The following ST8SIA2 variants were observed in gnomAD, a reference collection of about 807,000 sequenced individuals.
ST8SIA2 encodes alpha-2,8-sialyltransferase 8B.
In ST8SIA2, 22 loss-of-function variants were observed where a neutral mutation model predicts 37.6. The observed-to-expected ratio is 0.58, with a 90% CI of 0.42 to 0.83. The LOEUF is 0.83. Ranked by LOEUF, ST8SIA2 falls within the 40% of genes least tolerant of loss-of-function variation. The probability of loss-of-function intolerance (pLI) is 0.00; values close to 1 mark genes in which losing one functional copy is unlikely to be tolerated. For synonymous variants in ST8SIA2, 205 were observed against 201.2 expected, an observed-to-expected ratio of 1.02 and a Z score of -0.16; for missense variants, 382 against 484.7, an observed-to-expected ratio of 0.79 and a Z score of 1.99.
chr15:92,425,652 G>A (rs2049669946), intron 1 of ST8SIA2, among the ~76,000 whole-genome samples: 1 of 152,190 alleles, frequency 6.6e-6, no homozygotes, highest in Non-Finnish European at 1.5e-5. Context: ...GGGGGAAACT[G>A]GTAAGAGCCT....
chr15:92,448,822 A>C (rs1168288005), intron 5 of ST8SIA2, among the ~76,000 whole-genome samples: 1 of 152,168 alleles, frequency 6.6e-6, no homozygotes, highest in Non-Finnish European at 1.5e-5. Context: ...AAGTTAAACC[A>C]GTCACTCATG....
At position 92,416,019 on chromosome 15, in the gene ST8SIA2, G is replaced by A. The variant is rs80253690; in HGVS notation, c.99-14030G>A. ...TTCTGAAAGCTGCAGGGGTCGGTAA[G>A]AGAGACTGAAGAGTTTAAAGGAGAG... On this transcript the variant is annotated intron_variant, in intron 1 of 5. Transcript: ENST00000268164. Among the ~76,000 whole-genome samples, 634 of 152,252 alleles carry A rather than the reference G, an allele frequency of 4.2e-3. 5 individuals carry two copies. The highest frequency in any genetic ancestry group is 0.015 in the African/African-American group (604 of 41,536).
intron 1 of ST8SIA2, among the ~76,000 whole-genome samples, chr15:92,427,373 TA>T (rs1046214421): frequency 4.0e-5 from 6 of 151,668 alleles, no homozygotes; most frequent in Admixed American, 2.0e-4. Context: ...TGAAATATAA[TA>T]TTACTCAAAA....
rs982845830 is a variant in ST8SIA2, at chr15:92,438,212, G to C, written c.291-141G>C. The C allele has an allele frequency of 2.4e-6, 3 of 1,259,936 alleles. No homozygotes were observed. In the African/African-American group the frequency reaches 4.4e-5, roughly 19 times the overall value. The allele number at this position is 1,259,936 out of a possible 1,614,324, so 78.0% of individuals were successfully genotyped here. A position where few individuals can be genotyped will look rare whatever the true frequency, so the allele number is the denominator to read the frequency against. On this transcript the variant is annotated intron_variant, in intron 3 of 5. Coordinates refer to ENST00000268164, the MANE Select transcript of ST8SIA2 (RefSeq NM_006011.4). ...ATCCCTGGCTGGAACCTGTTCTCGA[G>C]GGCATCTGAACTCTCATCATACTCT...
At chr15:92,429,411 C>A (rs1422861659) in intron 1 of ST8SIA2, among the ~76,000 whole-genome samples, 1 of 151,998 alleles carries the variant, frequency 6.6e-6, no homozygotes, top group East Asian at 1.9e-4. Context: ...CCTTAGAGTG[C>A]TTTTACTTCA....
chr15:92,411,501 G>A (rs930969258), intron 1 of ST8SIA2, among the ~76,000 whole-genome samples: 2 of 152,212 alleles, frequency 1.3e-5, no homozygotes, highest in Non-Finnish European at 2.9e-5. Flanking sequence ...GGACATCAGA[G>A]GGGAAGCTGT....
chr15:92,454,581 G>T (rs1409420718), intron 5 of ST8SIA2, among the ~76,000 whole-genome samples: 1 of 151,834 alleles, frequency 6.6e-6, no homozygotes, highest in East Asian at 1.9e-4. Context: ...CAAAATTTCT[G>T]CCCATCTGAG....
chr15:92,422,700 A>AGTAC (rs1428193732), intron 1 of ST8SIA2: 1 of 152,682 alleles, frequency 6.5e-6, no homozygotes, highest in African/African-American at 2.4e-5. Context: ...CACTTGGCCA[A>AGTAC]GTACAGCCAC....
In ST8SIA2 at chr15:92,466,130, AG is replaced by A. The variant is rs570203711; in HGVS notation, c.*1746del. 5.3e-5 allele frequency: 8 copies of A among 152,286 alleles called. No individual in the cohort carries two copies. The East Asian group carries it at 1.5e-3, about 29-fold the overall frequency. The allele number at this position is 152,286 out of a possible 1,614,324, so 9.4% of individuals were successfully genotyped here. A position where few individuals can be genotyped will look rare whatever the true frequency, so the allele number is the denominator to read the frequency against. ...GCGGCAGAACCATTAACCCTACACA[AG>A]AACACTCCAGCCCAAAACCGTGAGG... On this transcript the variant is annotated 3_prime_UTR_variant, in exon 6 of 6. Transcript: ENST00000268164.
Position 92,433,656 on chromosome 15 carries a change from T to C in ST8SIA2, c.162-591T>C, listed in dbSNP as rs564416124. 6.6e-5 allele frequency among the ~76,000 whole-genome samples: 10 copies of C among 152,334 alleles called. 1 individual carries two copies. In the South Asian group the frequency reaches 1.0e-3, roughly 16 times the overall value. On this transcript the variant is annotated intron_variant, in intron 2 of 5. Transcript: ENST00000268164. ...CCCGCTATGTTAGACCATTAGGGAA[T>C]ATAAAATGAATGTGGGAGATCCCTT...
intron 5 of ST8SIA2, among the ~76,000 whole-genome samples, chr15:92,450,354 G>A (rs868610559): frequency 1.3e-5 from 2 of 152,176 alleles, no homozygotes; most frequent in African/African-American, 2.4e-5. Context: ...AAGATGCTCC[G>A]CTGATCATGA....
chr15:92,444,749 C>G lies in ST8SIA2; in HGVS notation c.662C>G (p.Thr221Arg). Reference sequence around the variant, plus strand: ...GCCTTTGAGGACTTGGTCAATGCCACGTGGCGGGAGAAGCTGCTGCAACGG... The same window carrying G: ...GCCTTTGAGGACTTGGTCAATGCCAGGTGGCGGGAGAAGCTGCTGCAACGG... ...QRAFEDLVNA[T>R]WREKLLQRLH... Residue 221 changes from threonine to arginine, a missense_variant, in exon 5 of 6, where the codon ACG becomes AGG. Physicochemically the swap from Thr to Arg is moderately conservative, Grantham distance 71. Coordinates refer to ENST00000268164, the MANE Select transcript of ST8SIA2 (RefSeq NM_006011.4). 4 of 1,614,212 alleles carry G rather than the reference C, an allele frequency of 2.5e-6. No individual in the cohort carries two copies. Among genetic ancestry groups the G allele is most frequent in the Non-Finnish European group, 3.4e-6 (4 of 1,180,042 alleles).
intron 1 of ST8SIA2, among the ~76,000 whole-genome samples, chr15:92,413,066 G>A (rs536904098): frequency 5.9e-5 from 9 of 152,148 alleles, no homozygotes; most frequent in Admixed American, 2.0e-4. Flanking sequence ...GTGAGTGTGC[G>A]TTTGTTTCAT....
At chr15:92,464,019 G>T (rs2049974238) in intron 5 of ST8SIA2, 81 bp from the exon 6 acceptor site, 1 of 1,502,354 alleles carries the variant, frequency 6.7e-7, no homozygotes, top group Non-Finnish European at 8.8e-7. Context: ...TGCTGGGCAG[G>T]ATAAAATTTT....
chr15:92,459,076 A>C (rs1340900782), intron 5 of ST8SIA2, among the ~76,000 whole-genome samples: 1 of 152,182 alleles, frequency 6.6e-6, no homozygotes, highest in Non-Finnish European at 1.5e-5. Context: ...GTAACCTCAG[A>C]AGCACCTATG....
At chr15:92,398,911 G>C (rs1382256477) in intron 1 of ST8SIA2, among the ~76,000 whole-genome samples, 1 of 152,200 alleles carries the variant, frequency 6.6e-6, no homozygotes, top group Non-Finnish European at 1.5e-5. Context: ...CTGAGAGCCT[G>C]GTCTGGCCTT....
At chr15:92,402,443 G>A (rs1186412875) in intron 1 of ST8SIA2, among the ~76,000 whole-genome samples, 1 of 152,154 alleles carries the variant, frequency 6.6e-6, no homozygotes, top group African/African-American at 2.4e-5. Flanking sequence ...AGCTAGTAAG[G>A]TGCAGAGCTG....
At chr15:92,458,170 C>A (rs1181581274) in intron 5 of ST8SIA2, among the ~76,000 whole-genome samples, 3 of 152,206 alleles carry the variant, frequency 2.0e-5, no homozygotes, top group Non-Finnish European at 4.4e-5. Flanking sequence ...CACTCGCAAA[C>A]TGTGATGTGA....
intron 1 of ST8SIA2, among the ~76,000 whole-genome samples, chr15:92,400,728 C>T (rs2049463970): frequency 6.6e-6 from 1 of 152,176 alleles, no homozygotes; most frequent in Admixed American, 6.5e-5. Context: ...CAGCCCTCCA[C>T]TGCCCACAGT....
Sources: gnomAD v4.1 joint callset for allele counts (sites outside exome capture counted in the v4.1 genomes callset) on GRCh38, gnomAD v4.1.1 for gene constraint, MANE v1.5 for transcripts, NCBI Gene and HGNC (gene_info 2026-07-23, HGNC 2026-07-21) for gene names.